Variants in ORAI2 observed in about 807,000 individuals in gnomAD.
ORAI2 encodes the protein protein orai-2.
In ORAI2, 10 loss-of-function variants were observed where a neutral mutation model predicts 16.2. The ratio of observed to expected loss-of-function variants is 0.62; its 90% CI spans 0.38 to 1.04. The LOEUF (loss-of-function observed/expected upper bound fraction) is 1.04, where lower values mean the gene tolerates loss of function less well. Ranked by LOEUF, ORAI2 falls within the 50% of genes least tolerant of loss-of-function variation. The pLI, the probability that ORAI2 is intolerant of heterozygous loss-of-function variation, is 0.01. For synonymous variants in ORAI2, 150 were observed against 157.5 expected (o/e 0.95, Z 0.35); for missense variants, 238 against 355.5 (o/e 0.67, Z 2.66).
Position 102,454,757 on chromosome 7 carries a change from G to A in ORAI2, c.*7705G>A, listed in dbSNP as rs1229476796. The A allele has an allele frequency of 6.6e-6, 1 of 152,328 alleles. No homozygotes were observed. The highest frequency in any genetic ancestry group is 2.1e-4 in the South Asian group (1 of 4,838). The allele number at this position is 152,328 out of a possible 1,614,324, so 9.4% of individuals were successfully genotyped here. ...CATCCCCTTGCTTGAAGCTCCAAGA[G>A]CATGAGAGTGGGCAGCCTGGTCTGC... On this transcript the variant is annotated 3_prime_UTR_variant, in exon 4 of 4. Transcript: ENST00000495936.
intron 3 of ORAI2, among the ~76,000 whole-genome samples, chr7:102,445,881 CT>C (rs1394681625): frequency 7.3e-6 from 1 of 137,884 alleles, no homozygotes; most frequent in East Asian, 2.4e-4. Context: ...TTTTCTTTCT[CT>C]CTCTTTCTTT....
At chr7:102,444,687 A>G in intron 3 of ORAI2, among the ~76,000 whole-genome samples, 1 of 111,496 alleles carries the variant, frequency 9.0e-6, no homozygotes, top group Non-Finnish European at 1.8e-5. Context: ...TTTTTTTGAG[A>G]CAAAGTCCTG....
rs1024607494 is a variant in ORAI2 at position 102,433,804 on chromosome 7, ACCT to A, written c.-123+146_-123+148del. 4.0e-5 allele frequency: 6 copies of A among 150,882 alleles called. No individual in the cohort carries two copies. Among genetic ancestry groups the A allele is most frequent in the Admixed American group, 1.3e-4 (2 of 15,194 alleles). 9.3% of individuals were successfully genotyped at this position (150,882 alleles called of 1,614,324 possible). A position where few individuals can be genotyped will look rare whatever the true frequency, so the allele number is the denominator to read the frequency against. ...GGTCACTACCCATCCGGGGTTGGTG[ACCT>A]CCACCCCGCGGGATCCCTGGCGGGG... On this transcript the variant is annotated intron_variant, in intron 1 of 3. Coordinates refer to ENST00000495936, the MANE Select transcript of ORAI2 (RefSeq NM_001126340.3). This position sits in a 1 kb window ranked among gnomAD's most constrained non-coding sequence, Gnocchi z 4.6.
chr7:102,443,718 CT>C (rs1291123821), intron 3 of ORAI2, among the ~76,000 whole-genome samples: 1 of 151,506 alleles, frequency 6.6e-6, no homozygotes, highest in African/African-American at 2.4e-5. Flanking sequence ...CTTCTTTTTT[CT>C]TTTTTGAGAT....
At chr7:102,440,563 C>T (rs1247192596) in intron 3 of ORAI2, among the ~76,000 whole-genome samples, 4 of 152,170 alleles carry the variant, frequency 2.6e-5, no homozygotes, top group Admixed American at 6.6e-5. Context: ...GACAGGGTCC[C>T]ACTCTGTTGC....
chr7:102,446,617 C>T lies in ORAI2; in HGVS notation c.330C>T (p.Phe110=), dbSNP rs148202326. The T allele has an allele frequency of 1.0e-4, 164 of 1,613,926 alleles. No individual in the cohort carries two copies. The African/African-American group carries it at 1.6e-3, about 16-fold the overall frequency. ...CTTVLVAVHL[F]ALLISTCILP... The stretch of plus-strand genomic sequence containing the variant: ...CGGTGCTGGTGGCCGTGCACCTGTT[C>T]GCCCTCCTCATCAGCACCTGCATCC... Residue 110 remains phenylalanine, a synonymous_variant, in exon 4 of 4, where the codon TTC becomes TTT. Transcript: ENST00000495936.
At chr7:102,445,981 C>T (rs889285242) in intron 3 of ORAI2, among the ~76,000 whole-genome samples, 27 of 148,814 alleles carry the variant, frequency 1.8e-4, no homozygotes, top group African/African-American at 6.4e-4. Flanking sequence ...CAGAGTCTCA[C>T]TGTGTCACCC....
At chr7:102,442,059 A>G (rs1797219873) in intron 3 of ORAI2, among the ~76,000 whole-genome samples, 2 of 152,094 alleles carry the variant, frequency 1.3e-5, no homozygotes, top group Non-Finnish European at 2.9e-5. Flanking sequence ...CCTGAAGCTT[A>G]GTTCTTGATG....
chr7:102,444,442 A>G (rs1459287159), intron 3 of ORAI2, among the ~76,000 whole-genome samples: 2 of 151,246 alleles, frequency 1.3e-5, no homozygotes, highest in Non-Finnish European at 2.9e-5. Context: ...TCACAGAGAA[A>G]GAGTTTTGCC....
chr7:102,445,731 T>G (rs1168152403), intron 3 of ORAI2, among the ~76,000 whole-genome samples: 1 of 151,930 alleles, frequency 6.6e-6, no homozygotes, highest in Non-Finnish European at 1.5e-5. Flanking sequence ...TCTTCCTGCC[T>G]CAACCTCCCA....
In ORAI2 at chr7:102,438,939, C is replaced by T. The variant is rs747359609; in HGVS notation, c.-13-5C>T. The T allele has an allele frequency of 6.2e-7, 1 of 1,613,414 alleles. No homozygotes were observed. The highest frequency in any genetic ancestry group is 8.5e-7 in the Non-Finnish European group (1 of 1,179,654). On this transcript the variant is annotated splice_region_variant and splice_polypyrimidine_tract_variant and intron_variant, in intron 2 of 3. Coordinates refer to ENST00000495936, the MANE Select transcript of ORAI2 (RefSeq NM_001126340.3). ...TGTCTGAGCATGTCTCTCTCCCACC[C>T]TTAGCCTGGCTCCCACCATGAGTGC...
intron 3 of ORAI2, 142 bp downstream of exon 3, chr7:102,439,323 A>G (rs932210946): frequency 1.7e-5 from 12 of 693,980 alleles, no homozygotes; most frequent in Non-Finnish European, 2.0e-5. Flanking sequence ...CCCACGTCCC[A>G]GCTGCTCTAA....
At position 102,451,318 on chromosome 7, in the gene ORAI2, C is replaced by T. The variant is rs977491425; in HGVS notation, c.*4266C>T. ...CCTAGACATGCCAAGGCCCCTCCCACGTGGTACACCCTCTCCGTTTAGTAC... is the reference window on the plus strand; with the variant it reads ...CCTAGACATGCCAAGGCCCCTCCCATGTGGTACACCCTCTCCGTTTAGTAC... On this transcript the variant is annotated 3_prime_UTR_variant, in exon 4 of 4. Transcript: ENST00000495936. The T allele has an allele frequency of 6.6e-6, 1 of 152,146 alleles. No individual in the cohort carries two copies. The highest frequency in any genetic ancestry group is 1.5e-5 in the Non-Finnish European group (1 of 68,040). The allele number at this position is 152,146 out of a possible 1,614,324, so 9.4% of individuals were successfully genotyped here.
At chr7:102,446,048 A>G (rs1201209394) in intron 3 of ORAI2, among the ~76,000 whole-genome samples, 1 of 152,042 alleles carries the variant, frequency 6.6e-6, no homozygotes, top group Non-Finnish European at 1.5e-5. Flanking sequence ...TCCCAGGTTC[A>G]AGTGATTCTC....
In ORAI2 at chr7:102,455,667, C is replaced by T. The variant is rs1475977092; in HGVS notation, c.*8615C>T. ...TCTGCTCCAGTGCAGTGAGGATCAG[C>T]TGGAGCTCCGACCTGACTCACATCT... On this transcript the variant is annotated 3_prime_UTR_variant, in exon 4 of 4. Transcript: ENST00000495936. 6.6e-6 allele frequency: 1 copy of T among 152,340 alleles called. No homozygotes were observed. Among genetic ancestry groups the T allele is most frequent in the Non-Finnish European group, 1.5e-5 (1 of 68,114 alleles). 9.4% of individuals were successfully genotyped at this position (152,340 alleles called of 1,614,324 possible). A position where few individuals can be genotyped will look rare whatever the true frequency, so the allele number is the denominator to read the frequency against.
Position 102,446,848 on chromosome 7 carries a change from C to A in ORAI2, c.561C>A (p.Gly187=). The A allele has an allele frequency of 6.2e-7, 1 of 1,613,764 alleles. No individual in the cohort carries two copies. The highest frequency in any genetic ancestry group is 8.5e-7 in the Non-Finnish European group (1 of 1,179,982). The change falls in exon 4 of 4, where the codon GGC becomes GGA. Residue 187 remains glycine, a synonymous_variant. Transcript: ENST00000495936. The part of the protein sequence containing the change: ...DARRQPGPPP[G]PGSHTGWQAA... ...GGCGCCAGCCTGGCCCCCCACCTGG[C>A]CCTGGGAGTCACACGGGCTGGCAGG...
chr7:102,434,277 C>T (rs1586705387), intron 1 of ORAI2, among the ~76,000 whole-genome samples: 1 of 152,114 alleles, frequency 6.6e-6, no homozygotes, highest in South Asian at 2.1e-4. Context: ...TGTCCCTCCC[C>T]CTGGGCCACC....
chr7:102,442,862 A>G (rs1242913862), intron 3 of ORAI2, among the ~76,000 whole-genome samples: 1 of 150,280 alleles, frequency 6.7e-6, no homozygotes, highest in East Asian at 2.0e-4. Context: ...CGTCTCAAAA[A>G]AAAAAAAAAA....
chr7:102,446,365 A>G, intron 3 of ORAI2, 148 bp from the exon 4 acceptor site: 6 of 729,168 alleles, frequency 8.2e-6, no homozygotes, highest in South Asian at 7.5e-5. Flanking sequence ...CAGGGCCCAG[A>G]ACATGGGTGA....
Sources: allele counts gnomAD v4.1 joint callset (sites outside exome capture counted in the v4.1 genomes callset), GRCh38; gene constraint gnomAD v4.1.1; non-coding constraint Gnocchi (gnomAD v3.1); transcripts MANE v1.5; gene names NCBI Gene and HGNC (gene_info 2026-07-23, HGNC 2026-07-21).